Variants in ARHGAP12 observed in about 807,000 individuals in gnomAD.
ARHGAP12 encodes Rho GTPase activating protein 12.
A neutral mutation model predicts 108.6 loss-of-function variants in ARHGAP12; 64 were observed. That is an observed-to-expected ratio of 0.59 (90% CI 0.48 to 0.73). The LOEUF (loss-of-function observed/expected upper bound fraction) is 0.73. ARHGAP12 is among the 30% of genes least tolerant of loss of function. The pLI, the probability that ARHGAP12 is intolerant of heterozygous loss-of-function variation, is 0.00. For missense variants in ARHGAP12, 940 were observed against 1,005.9 expected (o/e 0.93, Z 0.89); for synonymous variants, 312 against 337.2 (o/e 0.93, Z 0.82).
intron 1 of ARHGAP12, among the ~76,000 whole-genome samples, chr10:31,922,180 C>CAAAAAAAAAAAAA (rs56210740): frequency 3.0e-5 from 2 of 66,120 alleles, no homozygotes; most frequent in South Asian, 5.6e-4. Flanking sequence ...GACCCTGCCT[C>CAAAAAAAAAAAAA]AAAAAAAAAA....
chr10:31,833,162 C>G (rs1360951107), intron 9 of ARHGAP12, among the ~76,000 whole-genome samples: 3 of 151,866 alleles, frequency 2.0e-5, no homozygotes. Context: ...AATTTGCCGC[C>G]TGCACCCCTC....
intron 9 of ARHGAP12, among the ~76,000 whole-genome samples, chr10:31,837,309 C>T (rs1836062417): frequency 6.6e-6 from 1 of 152,210 alleles, no homozygotes; most frequent in Non-Finnish European, 1.5e-5. Context: ...GCCAAAACCA[C>T]CAAAATAATG....
intron 14 of ARHGAP12, among the ~76,000 whole-genome samples, chr10:31,813,419 A>G (rs1306288221): frequency 6.6e-6 from 1 of 152,174 alleles, no homozygotes; most frequent in Non-Finnish European, 1.5e-5. Flanking sequence ...TTTCTGTTAT[A>G]GTAACAAAAA....
At chr10:31,920,081 G>A (rs1468103455) in intron 1 of ARHGAP12, among the ~76,000 whole-genome samples, 2 of 148,628 alleles carry the variant, frequency 1.3e-5, no homozygotes, top group African/African-American at 5.0e-5. Context: ...ACTCCAGCCT[G>A]GGTGACAGAG....
chr10:31,816,189 G>GTGTGTGTGTA (rs1278303816), intron 13 of ARHGAP12, among the ~76,000 whole-genome samples: 3 of 151,460 alleles, frequency 2.0e-5, no homozygotes, highest in African/African-American at 7.3e-5. Context: ...GTGTGTGTGT[G>GTGTGTGTGTA]TGTGTGTGTG....
At chr10:31,853,731 T>C (rs1040114087) in intron 5 of ARHGAP12, among the ~76,000 whole-genome samples, 6 of 152,216 alleles carry the variant, frequency 3.9e-5, no homozygotes, top group Admixed American at 6.5e-5. Context: ...TGTATGATAA[T>C]GGCACAGAGA....
rs1362642308 is a variant in ARHGAP12 at position 31,838,647 on chromosome 10, T to C, written c.1386+658A>G. ...GAGTTTGAGACCAGCCTGGTCAACA[T>C]AGCGAAACCCCGTCTCTACTAAAAA... On this transcript the variant is annotated intron_variant, in intron 9 of 19. Coordinates refer to ENST00000344936, the MANE Select transcript of ARHGAP12 (RefSeq NM_018287.7). Among the ~76,000 whole-genome samples the C allele has an allele frequency of 4.6e-5, 7 of 152,022 alleles. 1 individual carries two copies. In the Middle Eastern group the frequency reaches 0.014, roughly 295 times the overall value.
At chr10:31,877,138 A>G (rs1175223474) in intron 3 of ARHGAP12, among the ~76,000 whole-genome samples, 1 of 152,198 alleles carries the variant, frequency 6.6e-6, no homozygotes, top group Non-Finnish European at 1.5e-5. Context: ...AAGATTTACT[A>G]ATTTCTTGCT....
At chr10:31,845,138 G>A (rs1269047130) in intron 6 of ARHGAP12, among the ~76,000 whole-genome samples, 2 of 152,014 alleles carry the variant, frequency 1.3e-5, no homozygotes, top group African/African-American at 4.8e-5. Flanking sequence ...TGCTGCTAAT[G>A]TAAATAGTAT....
intron 6 of ARHGAP12, among the ~76,000 whole-genome samples, chr10:31,843,984 TCAGA>T (rs1469398258): frequency 2.0e-5 from 3 of 152,142 alleles, no homozygotes; most frequent in Non-Finnish European, 4.4e-5. Flanking sequence ...TAAAGTAAAA[TCAGA>T]CAAATTATTT....
At chr10:31,907,501 G>A (rs1255752888) in intron 3 of ARHGAP12, among the ~76,000 whole-genome samples, 3 of 151,692 alleles carry the variant, frequency 2.0e-5, no homozygotes, top group African/African-American at 7.3e-5. Context: ...GGCTGTGGTG[G>A]CACACACCTG....
intron 1 of ARHGAP12, among the ~76,000 whole-genome samples, chr10:31,922,083 TCAGGAGG>T (rs1839840272): frequency 6.8e-6 from 1 of 146,816 alleles, no homozygotes; most frequent in African/African-American, 2.5e-5. Context: ...TCCCAGCTAC[TCAGGAGG>T]CTGAGGCTTG....
chr10:31,817,931 CT>C, intron 12 of ARHGAP12, 45 bp from the exon 13 acceptor site: 1 of 1,429,938 alleles, frequency 7.0e-7, no homozygotes, highest in Non-Finnish European at 9.8e-7. Context: ...TCAGTTTGTG[CT>C]TTCAGCAAAA....
intron 6 of ARHGAP12, among the ~76,000 whole-genome samples, chr10:31,843,975 A>G (rs977445362): frequency 2.1e-4 from 32 of 152,236 alleles, no homozygotes; most frequent in Admixed American, 6.5e-5. Context: ...CATAATTTAT[A>G]AAGTAAAATC....
At chr10:31,927,117 G>A (rs1323496419) in intron 1 of ARHGAP12, among the ~76,000 whole-genome samples, 1 of 152,104 alleles carries the variant, frequency 6.6e-6, no homozygotes, top group African/African-American at 2.4e-5. Flanking sequence ...TGCAACCAGG[G>A]GTCGCACATA....
At chr10:31,850,717 A>C (rs988425314) in intron 6 of ARHGAP12, among the ~76,000 whole-genome samples, 3 of 152,202 alleles carry the variant, frequency 2.0e-5, no homozygotes, top group African/African-American at 7.2e-5. Flanking sequence ...TTGGAAAATA[A>C]AATGGTTATT....
At chr10:31,903,745 A>G (rs570893299) in intron 3 of ARHGAP12, among the ~76,000 whole-genome samples, 27 of 143,374 alleles carry the variant, frequency 1.9e-4, no homozygotes, top group African/African-American at 5.4e-5. Context: ...AAAAAAAAAA[A>G]CTCTCAAAAT....
intron 1 of ARHGAP12, among the ~76,000 whole-genome samples, chr10:31,920,449 C>CAAAAAAAAAAAAAAAAAAAAAAA (rs71027040): frequency 1.7e-4 from 10 of 59,598 alleles, no homozygotes; most frequent in Non-Finnish European, 2.4e-4. Context: ...GACTCCGTCT[C>CAAAAAAAAAAAAAAAAAAAAAAA]AAAAAAAAAA....
intron 11 of ARHGAP12, among the ~76,000 whole-genome samples, chr10:31,820,712 T>TTATATATATATA (rs59605145): frequency 1.7e-5 from 2 of 118,278 alleles, no homozygotes; most frequent in African/African-American, 5.7e-5. Context: ...TTCCATCATA[T>TTATATATATATA]TATATATATA....
Sources: allele counts gnomAD v4.1 joint callset (sites outside exome capture counted in the v4.1 genomes callset), GRCh38; gene constraint gnomAD v4.1.1; transcripts MANE v1.5; gene names NCBI Gene and HGNC (gene_info 2026-07-23, HGNC 2026-07-21).